Variants in ARMH3 observed in about 807,000 individuals in gnomAD.
The protein encoded by ARMH3 is armadillo like helical domain containing 3, also known as armadillo-like helical domain-containing protein 3.
Under a neutral mutation model 99.1 loss-of-function variants are expected in ARMH3, and 60 were observed. The ratio of observed to expected loss-of-function variants is 0.61; its 90% CI spans 0.49 to 0.75. The LOEUF (loss-of-function observed/expected upper bound fraction) is 0.75. Among genes scored for constraint, ARMH3 ranks in the 30% least tolerant of loss-of-function variants. The pLI is 0.00. For synonymous variants in ARMH3, 285 were observed against 292.8 expected (o/e 0.97, Z 0.27); for missense variants, 679 against 843.1 (o/e 0.81, Z 2.41).
intron 20 of ARMH3, among the ~76,000 whole-genome samples, chr10:101,962,562 A>G (rs1845345564): frequency 6.6e-6 from 1 of 152,236 alleles, no homozygotes; most frequent in Non-Finnish European, 1.5e-5. Context: ...TAGGTGCTAG[A>G]TATTATGTAA....
intron 24 of ARMH3, among the ~76,000 whole-genome samples, chr10:101,884,200 A>C (rs2067487023): frequency 6.6e-6 from 1 of 152,198 alleles, no homozygotes; most frequent in Non-Finnish European, 1.5e-5. Context: ...GTAGCCTTAG[A>C]AATGGAGAGA....
intron 20 of ARMH3, among the ~76,000 whole-genome samples, chr10:101,966,783 T>G (rs773093645): frequency 6.6e-6 from 1 of 152,130 alleles, no homozygotes; most frequent in Non-Finnish European, 1.5e-5. Context: ...GAATGAATAA[T>G]GGATATGAGA....
chr10:102,003,580 T>C (rs1338894499), intron 14 of ARMH3, among the ~76,000 whole-genome samples: 3 of 152,228 alleles, frequency 2.0e-5, no homozygotes, highest in Non-Finnish European at 2.9e-5. Flanking sequence ...AGGAGTCTTA[T>C]AATGGCCCAA....
intron 23 of ARMH3, among the ~76,000 whole-genome samples, chr10:101,909,452 G>A (rs1287462826): frequency 7.2e-6 from 1 of 138,274 alleles, no homozygotes; most frequent in South Asian, 2.3e-4. Flanking sequence ...AAGGTATGTT[G>A]CAAGCTTCCT....
intron 20 of ARMH3, among the ~76,000 whole-genome samples, chr10:101,965,687 C>T: frequency 6.6e-6 from 1 of 152,222 alleles, no homozygotes; most frequent in East Asian, 1.9e-4. Context: ...TTATATTACA[C>T]ATTAAATACG....
chr10:101,935,927 G>C (rs1843950388), intron 23 of ARMH3, among the ~76,000 whole-genome samples: 1 of 152,166 alleles, frequency 6.6e-6, no homozygotes, highest in Non-Finnish European at 1.5e-5. Flanking sequence ...CAGATTTTCT[G>C]ACACAGGTTG....
At chr10:101,992,464 A>T (rs1234545873) in intron 17 of ARMH3, among the ~76,000 whole-genome samples, 1 of 152,092 alleles carries the variant, frequency 6.6e-6, no homozygotes, top group East Asian at 1.9e-4. Context: ...TTGCAAAAAA[A>T]TAAAGAAAGT....
At chr10:101,932,083 A>T (rs1313064244) in intron 23 of ARMH3, among the ~76,000 whole-genome samples, 1 of 152,336 alleles carries the variant, frequency 6.6e-6, no homozygotes. Flanking sequence ...TCCATTAAAA[A>T]ATGAGCAGAA....
chr10:101,933,053 G>A (rs1356751645), intron 23 of ARMH3, among the ~76,000 whole-genome samples: 1 of 152,170 alleles, frequency 6.6e-6, no homozygotes, highest in Admixed American at 6.5e-5. Context: ...TAGCGTGGTG[G>A]TGGGCACCTG....
chr10:102,041,084 ATATATAATATATATATATATATATATATG>A (rs2067401331), intron 1 of ARMH3, among the ~76,000 whole-genome samples: 1 of 133,338 alleles, frequency 7.5e-6, no homozygotes, highest in African/African-American at 2.7e-5. Context: ...ACATATATAT[ATATATAATATATATATATATATATATATG>A]TAGGTAAAAC....
intron 1 of ARMH3, among the ~76,000 whole-genome samples, chr10:102,049,850 C>G (rs1444282000): frequency 1.3e-5 from 2 of 152,092 alleles, no homozygotes; most frequent in African/African-American, 4.8e-5. Context: ...AGCCACTGCA[C>G]CCGGCCCCAA....
chr10:101,886,487 G>A (rs1446178483), intron 24 of ARMH3, among the ~76,000 whole-genome samples: 1 of 152,140 alleles, frequency 6.6e-6, no homozygotes, highest in Non-Finnish European at 1.5e-5. Flanking sequence ...TCCAGCCTGG[G>A]TGACAGAGTG....
intron 2 of ARMH3, among the ~76,000 whole-genome samples, chr10:102,035,528 G>T (rs375934689): frequency 6.6e-6 from 1 of 152,182 alleles, no homozygotes; most frequent in African/African-American, 2.4e-5. Context: ...CTCAGCCTGC[G>T]GAGTGCCTGC....
At chr10:101,976,381 CAA>C (rs1218803004) in intron 19 of ARMH3, among the ~76,000 whole-genome samples, 4 of 122,976 alleles carry the variant, frequency 3.3e-5, no homozygotes, top group Non-Finnish European at 3.5e-5. Flanking sequence ...GTAGATTAAT[CAA>C]TCTCTCTCTC....
intron 23 of ARMH3, among the ~76,000 whole-genome samples, chr10:101,902,653 CTT>C (rs2068008709): frequency 6.6e-6 from 1 of 152,160 alleles, no homozygotes; most frequent in African/African-American, 2.4e-5. Flanking sequence ...TACCACAGCT[CTT>C]TGTCTGCAAC....
intron 22 of ARMH3, among the ~76,000 whole-genome samples, chr10:101,942,865 CA>C (rs1048644026): frequency 0.21 from 19,155 of 91,012 alleles, 1,455 homozygotes; most frequent in Middle Eastern, 0.28. Context: ...GACTCCATCT[CA>C]AAAAAAAAAA....
intron 11 of ARMH3, 67 bp from the exon 12 acceptor site, chr10:102,010,090 A>C: frequency 6.7e-7 from 1 of 1,489,552 alleles, no homozygotes; most frequent in Non-Finnish European, 9.3e-7. Context: ...ATGCCTAGGA[A>C]GCCTTTTATC....
At chr10:101,944,256 A>ATATATTTATATT (rs1288783336) in intron 22 of ARMH3, among the ~76,000 whole-genome samples, 11 of 63,618 alleles carry the variant, frequency 1.7e-4, no homozygotes, top group African/African-American at 7.5e-4. Context: ...ATATATATAT[A>ATATATTTATATT]TATATATATA....
intron 18 of ARMH3, among the ~76,000 whole-genome samples, chr10:101,991,651 G>C (rs1846801232): frequency 6.6e-6 from 1 of 152,184 alleles, no homozygotes; most frequent in African/African-American, 2.4e-5. Flanking sequence ...AAAGTGCTGT[G>C]ATTACAGGTG....
Sources: gnomAD v4.1 joint callset for allele counts (sites outside exome capture counted in the v4.1 genomes callset) on GRCh38, gnomAD v4.1.1 for gene constraint, MANE v1.5 for transcripts, NCBI Gene and HGNC (gene_info 2026-07-23, HGNC 2026-07-21) for gene names.